The following SPTBN4 variants were observed in gnomAD, a reference collection of about 807,000 sequenced individuals.
SPTBN4 encodes spectrin beta chain, non-erythrocytic 4.
Under a neutral mutation model 277.8 loss-of-function variants are expected in SPTBN4, and 96 were observed. The ratio of observed to expected loss-of-function variants is 0.35; its 90% CI spans 0.29 to 0.41. The LOEUF is 0.41. Ranked by LOEUF, SPTBN4 falls within the 10% of genes least tolerant of loss-of-function variation. The pLI is 1.00. For synonymous variants in SPTBN4, 1,481 were observed against 1,580.3 expected (o/e 0.94, Z 1.49); for missense variants, 3,006 against 3,595.7 (o/e 0.84, Z 4.19).
intron 20 of SPTBN4, 183 bp downstream of exon 20, chr19:40,534,526 C>T: frequency 2.6e-6 from 2 of 755,486 alleles, no homozygotes; most frequent in South Asian, 3.8e-5. Context: ...GAAGCAGCCA[C>T]CACTCCCTAA....
chr19:40,472,105 C>A (rs2079891702), intron 1 of SPTBN4, among the ~76,000 whole-genome samples: 6 of 151,906 alleles, frequency 3.9e-5, no homozygotes, highest in Admixed American at 3.9e-4. Flanking sequence ...AGACAGCGTT[C>A]TCCATGTTGG....
chr19:40,485,987 A>AAC (rs1555810415), intron 2 of SPTBN4, among the ~76,000 whole-genome samples: 1 of 151,888 alleles, frequency 6.6e-6, no homozygotes, highest in Non-Finnish European at 1.5e-5. Context: ...ATAAAAAAAA[A>AAC]AAAAAACAGT....
chr19:40,499,972 A>T (rs2080245141), intron 7 of SPTBN4, among the ~76,000 whole-genome samples: 1 of 151,064 alleles, frequency 6.6e-6, no homozygotes, highest in African/African-American at 2.4e-5. Context: ...AGTCATGGTG[A>T]TGGCTTGTGC....
At chr19:40,467,627 G>A (rs935249053) in intron 1 of SPTBN4, among the ~76,000 whole-genome samples, 2 of 149,204 alleles carry the variant, frequency 1.3e-5, no homozygotes, top group Non-Finnish European at 3.0e-5. Context: ...CCTTTGCGGG[G>A]GGGGGGGGGT....
chr19:40,523,421 G>A lies in SPTBN4; in HGVS notation c.3655-16G>A, dbSNP rs1253907569. On this transcript the variant is annotated splice_polypyrimidine_tract_variant and intron_variant, in intron 16 of 35. Coordinates refer to ENST00000598249, the MANE Select transcript of SPTBN4 (RefSeq NM_020971.3). Reference sequence around the variant, plus strand: ...GGAATGAGGCTGACCTTTGCACCACGCTCCCTCCTCCCCAGGAGATGGCGC... The same window carrying A: ...GGAATGAGGCTGACCTTTGCACCACACTCCCTCCTCCCCAGGAGATGGCGC... The A allele has an allele frequency of 1.6e-5, 25 of 1,579,916 alleles. No homozygotes were observed. Among genetic ancestry groups the A allele is most frequent in the Non-Finnish European group, 2.1e-5 (24 of 1,161,692 alleles).
At position 40,520,165 on chromosome 19, in the gene SPTBN4, G is replaced by C. The variant is rs1444333783; in HGVS notation, c.3654+14G>C. 13 of 1,399,526 alleles carry C rather than the reference G, an allele frequency of 9.3e-6. No individual in the cohort carries two copies. The Admixed American group carries it at 3.6e-4, about 38-fold the overall frequency. 86.7% of individuals were successfully genotyped at this position (1,399,526 alleles called of 1,614,324 possible). A position where few individuals can be genotyped will look rare whatever the true frequency, so the allele number is the denominator to read the frequency against. On this transcript the variant is annotated intron_variant, in intron 16 of 35. Transcript: ENST00000598249. ...CTGCGTAACCAGGTGCCCACTCGGG[G>C]TGTACATTTCGGAGAGGGAGAGTCC...
At chr19:40,566,780 C>T (rs943258077) in intron 30 of SPTBN4, among the ~76,000 whole-genome samples, 10 of 151,808 alleles carry the variant, frequency 6.6e-5, no homozygotes, top group African/African-American at 1.7e-4. Flanking sequence ...GCCTGGCCAA[C>T]GTGGTGAAAC....
Position 40,490,186 on chromosome 19 carries a change from A to G in SPTBN4, c.433A>G (p.Ile145Val). The G allele has an allele frequency of 5.6e-6, 9 of 1,614,224 alleles. No individual in the cohort carries two copies. The highest frequency in any genetic ancestry group is 7.6e-6 in the Non-Finnish European group (9 of 1,180,030). The change falls in exon 4 of 36, where the codon ATC (isoleucine) becomes GTC (valine). Residue 145 changes from isoleucine (I) to valine (V), a missense_variant. By Grantham distance (29) the Ile-to-Val change is conservative. Transcript: ENST00000598249. The surrounding 1 kb of genome is among the most constrained non-coding windows in gnomAD (Gnocchi z 4.3). Reference protein sequence around the residue: ...VHLENVGSHDIVDGNHRLTLG... With the variant: ...VHLENVGSHDVVDGNHRLTLG... ...CCTGGAGAACGTGGGTTCGCATGAC[A>G]TCGTGGATGGGAATCACCGGCTGAC... is the stretch of plus-strand genomic sequence containing the variant.
At chr19:40,507,823 C>T (rs927641112) in intron 13 of SPTBN4, among the ~76,000 whole-genome samples, 5 of 152,134 alleles carry the variant, frequency 3.3e-5, no homozygotes, top group Non-Finnish European at 5.9e-5. Context: ...GGTGACAGAG[C>T]GAGACTCCTT....
At chr19:40,514,548 T>C (rs1036920884) in intron 14 of SPTBN4, among the ~76,000 whole-genome samples, 1 of 152,148 alleles carries the variant, frequency 6.6e-6, no homozygotes, top group South Asian at 2.1e-4. Context: ...CAGATGACAG[T>C]GCTGTCCCCA....
At position 40,513,494 on chromosome 19, in the gene SPTBN4, A is replaced by T. The variant is rs1239315711; in HGVS notation, c.2705A>T (p.Gln902Leu). 6.2e-7 allele frequency: 1 copy of T among 1,600,134 alleles called. No individual in the cohort carries two copies. The highest frequency in any genetic ancestry group is 8.5e-7 in the Non-Finnish European group (1 of 1,178,408). Residue 902 changes from glutamine to leucine, a missense_variant, in exon 14 of 36, where the codon CAA becomes CTA. By Grantham distance (113) the Gln-to-Leu change is moderately radical. Coordinates refer to ENST00000598249, the MANE Select transcript of SPTBN4 (RefSeq NM_020971.3). ...ACELWIGEKE[Q>L]WLLSMRVPDS... ...GAGCTGTGGATCGGCGAGAAGGAGC[A>T]ATGGCTGCTCTCCATGCGTGTGCCG... is the stretch of plus-strand genomic sequence containing the variant.
chr19:40,504,810 T>G (rs949953075), intron 12 of SPTBN4, among the ~76,000 whole-genome samples: 1 of 151,806 alleles, frequency 6.6e-6, no homozygotes, highest in Non-Finnish European at 1.5e-5. Context: ...GTGGTGCCAC[T>G]GCACTCCATC....
intron 1 of SPTBN4, among the ~76,000 whole-genome samples, chr19:40,469,466 T>C (rs1000980174): frequency 2.0e-5 from 3 of 151,522 alleles, no homozygotes; most frequent in Non-Finnish European, 4.4e-5. Context: ...GGTTTCACCA[T>C]GTTGGCCAGG....
rs2080089535 is a variant in SPTBN4, at chr19:40,487,795, C to T, written c.268C>T (p.Arg90Trp). The T allele has an allele frequency of 6.2e-7, 1 of 1,611,950 alleles. No homozygotes were observed. The highest frequency in any genetic ancestry group is 1.3e-5 in the African/African-American group (1 of 74,836). ...CHIGDLYVDL[R>W]DGFVLTRLLE... is the part of the protein sequence containing the mutation. The stretch of plus-strand genomic sequence containing the variant: ...CATCGGGGACCTCTATGTGGACCTC[C>T]GGGACGGCTTCGTGCTCACGCGGCT... The change falls in exon 3 of 36, where the codon CGG becomes TGG. Residue 90 changes from arginine to tryptophan, a missense_variant. Coordinates refer to ENST00000598249, the MANE Select transcript of SPTBN4 (RefSeq NM_020971.3).
intron 35 of SPTBN4, 68 bp downstream of exon 35, chr19:40,572,448 C>T (rs1321265260): frequency 6.3e-7 from 1 of 1,580,628 alleles, no homozygotes; most frequent in African/African-American, 1.3e-5. Flanking sequence ...GCTCCTGACC[C>T]AGAGTGATGG....
chr19:40,510,759 C>T (rs1450697190), intron 13 of SPTBN4, among the ~76,000 whole-genome samples: 1 of 152,134 alleles, frequency 6.6e-6, no homozygotes, highest in Non-Finnish European at 1.5e-5. Context: ...CAGTGGCTCA[C>T]GCCTGTAATC....
intron 7 of SPTBN4, 96 bp from the exon 8 acceptor site, chr19:40,501,825 C>G: frequency 1.0e-6 from 1 of 978,092 alleles, no homozygotes; most frequent in Middle Eastern, 2.3e-4. Context: ...GGTCACACAG[C>G]TAGTGAGAGT....
chr19:40,470,256 C>T lies in SPTBN4; in HGVS notation c.-15-2351C>T, dbSNP rs539030509. On this transcript the variant is annotated intron_variant, in intron 1 of 35. Coordinates refer to ENST00000598249, the MANE Select transcript of SPTBN4 (RefSeq NM_020971.3). The stretch of plus-strand genomic sequence containing the variant: ...TCAGGCAATCCACCCGCCTTGGCCT[C>T]CCTAAGTGCCAGGATAACAGGCATG... Among the ~76,000 whole-genome samples, 6 of 152,170 alleles carry T rather than the reference C, an allele frequency of 3.9e-5. No homozygotes were observed. In the South Asian group the frequency reaches 1.2e-3, roughly 32 times the overall value.
In SPTBN4 at chr19:40,519,262, C is replaced by T. The variant is rs1193513306; in HGVS notation, c.2904-139C>T. 4.7e-6 allele frequency: 4 copies of T among 855,550 alleles called. No homozygotes were observed. The highest frequency in any genetic ancestry group is 1.8e-5 in the African/African-American group (1 of 56,344). 53.0% of individuals were successfully genotyped at this position (855,550 alleles called of 1,614,324 possible). On this transcript the variant is annotated intron_variant, in intron 15 of 35. Transcript: ENST00000598249. This position sits in a 1 kb window ranked among gnomAD's most constrained non-coding sequence, Gnocchi z 5.7. Reference sequence around the variant, plus strand: ...GTGCTGCGTAGGGTTCCATTTTACACCGGCAGAAACTGGAGAAACTTTCTG... The same window carrying T: ...GTGCTGCGTAGGGTTCCATTTTACATCGGCAGAAACTGGAGAAACTTTCTG...
Sources: gnomAD v4.1 joint callset for allele counts (sites outside exome capture counted in the v4.1 genomes callset) on GRCh38, gnomAD v4.1.1 for gene constraint, Gnocchi (gnomAD v3.1) non-coding constraint, MANE v1.5 for transcripts, NCBI Gene and HGNC (gene_info 2026-07-23, HGNC 2026-07-21) for gene names.